Variants in DPPA3 observed in about 807,000 individuals in gnomAD.
The protein encoded by DPPA3 is developmental pluripotency-associated protein 3.
A neutral mutation model predicts 15.6 loss-of-function variants in DPPA3; 9 were observed. The observed-to-expected ratio is 0.58, with a 90% CI of 0.35 to 1.01. The LOEUF is 1.01. Ranked by LOEUF, DPPA3 falls within the 50% of genes least tolerant of loss-of-function variation. The pLI is 0.02. For synonymous variants in DPPA3, 61 were observed against 70.9 expected, an observed-to-expected ratio of 0.86 and a Z score of 0.70; for missense variants, 148 against 194.6, an observed-to-expected ratio of 0.76 and a Z score of 1.42.
chr12:7,715,524 G>A (rs944275204), intron 2 of DPPA3, 97 bp downstream of exon 2: 64 of 1,567,646 alleles, frequency 4.1e-5, no homozygotes, highest in Non-Finnish European at 5.2e-5. Context: ...GGCCCGGTGC[G>A]GTGGCTGAGG....
Position 7,711,720 on chromosome 12 carries a change from C to CTTTTTTTTTTTTTTTTTT in DPPA3, c.82+80_82+97dup, listed in dbSNP as rs3069565. On this transcript the variant is annotated intron_variant, in intron 1 of 3. Coordinates refer to ENST00000345088, the MANE Select transcript of DPPA3 (RefSeq NM_199286.4). ...GGTTGGGAGGTCAAAAGGCTGCCGT[C>CTTTTTTTTTTTTTTTTTT]TTTTTTTTTTTTTTTTTTTTTTTTT... 5 of 340,660 alleles carry CTTTTTTTTTTTTTTTTTT rather than the reference C, an allele frequency of 1.5e-5. 1 individual carries two copies. The highest frequency in any genetic ancestry group is 4.4e-5 in the African/African-American group (1 of 22,810). 21.1% of individuals were successfully genotyped at this position (340,660 alleles called of 1,614,324 possible). A position where few individuals can be genotyped will look rare whatever the true frequency, so the allele number is the denominator to read the frequency against.
Position 7,711,500 on chromosome 12 carries a change from T to G in DPPA3, c.-71T>G. The G allele has an allele frequency of 6.9e-7, 1 of 1,445,038 alleles. No individual in the cohort carries two copies. Among genetic ancestry groups the G allele is most frequent in the Non-Finnish European group, 9.4e-7 (1 of 1,064,600 alleles). 89.5% of individuals were successfully genotyped at this position (1,445,038 alleles called of 1,614,324 possible). ...CTTTCCGGGCTACCTGGTAGCAATT[T>G]GAGGCTCTGTCATCAGTTTCTGCTA... On this transcript the variant is annotated 5_prime_UTR_variant, in exon 1 of 4. Transcript: ENST00000345088.
Position 7,712,077 on chromosome 12 carries a change from G to GGCTATTTTTTT in DPPA3, c.82+425_82+426insGCTATTTTTTT, listed in dbSNP as rs71038728. Among the ~76,000 whole-genome samples the GGCTATTTTTTT allele has an allele frequency of 3.0e-3, 231 of 77,974 alleles. 81 individuals carry two copies. Among genetic ancestry groups the GGCTATTTTTTT allele is most frequent in the South Asian group, 0.016 (33 of 2,116 alleles). 51.2% of individuals were successfully genotyped at this position (77,974 alleles called of 152,430 possible). ...ACTACAGGCGCCCGCCACCGCGCCCGTTTTTTTTTTTGTATTTTTGGTAGA... is the reference window on the plus strand; with the variant it reads ...ACTACAGGCGCCCGCCACCGCGCCCGGCTATTTTTTTTTTTTTTTTTTGTATTTTTGGTAGA... On this transcript the variant is annotated intron_variant, in intron 1 of 3. Coordinates refer to ENST00000345088, the MANE Select transcript of DPPA3 (RefSeq NM_199286.4).
chr12:7,715,466 G>C, intron 2 of DPPA3, 39 bp downstream of exon 2: 1 of 1,613,162 alleles, frequency 6.2e-7, no homozygotes, highest in Non-Finnish European at 8.5e-7. Context: ...TCCAATTCCG[G>C]AGAGTGACAC....
chr12:7,716,269 CTTTTT>C, intron 3 of DPPA3, 30 bp downstream of exon 3: 2 of 1,309,008 alleles, frequency 1.5e-6, no homozygotes, highest in South Asian at 3.0e-5. Context: ...TTTTATTTTC[CTTTTT>C]TTTTTTTGGC....
intron 1 of DPPA3, 46 bp from the exon 2 acceptor site, chr12:7,715,137 T>G (rs1263959585): frequency 6.2e-7 from 1 of 1,611,506 alleles, no homozygotes; most frequent in South Asian, 1.1e-5. Flanking sequence ...GATGTGTGAA[T>G]GTTGAAGATC....
chr12:7,715,221 C>G lies in DPPA3; in HGVS notation c.121C>G (p.Leu41Val). 6.2e-7 allele frequency: 1 copy of G among 1,613,748 alleles called. No homozygotes were observed. Among genetic ancestry groups the G allele is most frequent in the Non-Finnish European group, 8.5e-7 (1 of 1,179,808 alleles). The change falls in exon 2 of 4, where the codon CTT becomes GTT. Residue 41 changes from leucine (L) to valine (V), a missense_variant. Coordinates refer to ENST00000345088, the MANE Select transcript of DPPA3 (RefSeq NM_199286.4). ...CTCCTCCGAGACGTTGATAAAGAACCTTAGTAACTTGACTATCAACGCTAG... is the reference window on the plus strand; with the variant it reads ...CTCCTCCGAGACGTTGATAAAGAACGTTAGTAACTTGACTATCAACGCTAG... ...QISSETLIKN[L>V]SNLTINASSE... is the part of the protein sequence containing the mutation.
At chr12:7,713,603 G>C (rs978995857) in intron 1 of DPPA3, among the ~76,000 whole-genome samples, 46 of 152,310 alleles carry the variant, frequency 3.0e-4, no homozygotes, top group African/African-American at 1.1e-3. Context: ...GGAGAGACGA[G>C]AATGAGTGGT....
intron 1 of DPPA3, 64 bp downstream of exon 1, chr12:7,711,716 C>A: frequency 1.7e-6 from 1 of 600,244 alleles, no homozygotes. Context: ...CAAAAGGCTG[C>A]CGTCTTTTTT....
intron 1 of DPPA3, among the ~76,000 whole-genome samples, chr12:7,711,918 TTC>T (rs1231726728): frequency 7.5e-6 from 1 of 133,870 alleles, no homozygotes; most frequent in Non-Finnish European, 1.7e-5. Flanking sequence ...TTCTTTTTTT[TTC>T]TTTTTTTTTT....
intron 2 of DPPA3, 118 bp from the exon 3 acceptor site, chr12:7,716,080 G>C: frequency 1.1e-6 from 1 of 876,856 alleles, no homozygotes. Flanking sequence ...TCCAGCCTGG[G>C]CAACAGAGAA....
At chr12:7,714,061 T>A (rs1322930635) in intron 1 of DPPA3, among the ~76,000 whole-genome samples, 1 of 139,510 alleles carries the variant, frequency 7.2e-6, no homozygotes, top group Admixed American at 7.1e-5. Flanking sequence ...ACCCCTTCTC[T>A]ACTAAAAAAT....
At chr12:7,711,977 G>T (rs1432045643) in intron 1 of DPPA3, among the ~76,000 whole-genome samples, 12 of 146,914 alleles carry the variant, frequency 8.2e-5, no homozygotes, top group Non-Finnish European at 1.5e-5. Flanking sequence ...GTGCAGTGGC[G>T]CGATCTCGGC....
At position 7,712,275 on chromosome 12, in the gene DPPA3, C is replaced by T. The variant is rs144431616; in HGVS notation, c.82+623C>T. Among the ~76,000 whole-genome samples the T allele has an allele frequency of 8.8e-3, 1,337 of 151,336 alleles. 22 individuals carry two copies. The highest frequency in any genetic ancestry group is 0.03 in the African/African-American group (1,249 of 41,226). On this transcript the variant is annotated intron_variant, in intron 1 of 3. Coordinates refer to ENST00000345088, the MANE Select transcript of DPPA3 (RefSeq NM_199286.4). ...AAATAATTGGAATCACAGAACGCGG[C>T]TCGTAGCGTCGTTGCATCAGTATCT...
chr12:7,716,267 T>TA, intron 3 of DPPA3, 28 bp downstream of exon 3: 1 of 1,445,612 alleles, frequency 6.9e-7, no homozygotes, highest in Non-Finnish European at 9.2e-7. Flanking sequence ...CTTTTTATTT[T>TA]CCTTTTTTTT....
intron 3 of DPPA3, among the ~76,000 whole-genome samples, 165 bp downstream of exon 3, chr12:7,716,404 TAA>T (rs1864399744): frequency 6.6e-6 from 1 of 152,094 alleles, no homozygotes; most frequent in South Asian, 2.1e-4. Context: ...TTGTAGTTTT[TAA>T]AAATATATTC....
At chr12:7,715,976 G>T (rs1300820366) in intron 2 of DPPA3, among the ~76,000 whole-genome samples, 1 of 151,924 alleles carries the variant, frequency 6.6e-6, no homozygotes, top group Non-Finnish European at 1.5e-5. Flanking sequence ...GTAAGTCCCA[G>T]CTGCTGTGGG....
chr12:7,716,794 C>G (rs750923808), intron 3 of DPPA3, among the ~76,000 whole-genome samples, 173 bp from the exon 4 acceptor site: 1 of 152,260 alleles, frequency 6.6e-6, no homozygotes, highest in South Asian at 2.1e-4. Context: ...CTGTGGTACC[C>G]ATATTTTGAT....
intron 1 of DPPA3, among the ~76,000 whole-genome samples, chr12:7,713,827 C>T (rs1181571799): frequency 1.3e-5 from 2 of 152,208 alleles, no homozygotes; most frequent in Non-Finnish European, 2.9e-5. Flanking sequence ...TTGTGAGATA[C>T]TCAGTGGATC....
Sources: allele counts gnomAD v4.1 joint callset (sites outside exome capture counted in the v4.1 genomes callset), GRCh38; gene constraint gnomAD v4.1.1; transcripts MANE v1.5; gene names NCBI Gene and HGNC (gene_info 2026-07-23, HGNC 2026-07-21).